NTN1: variants seen among roughly 807,000 people sequenced by gnomAD.
NTN1 encodes netrin-1.
A neutral mutation model predicts 54.2 loss-of-function variants in NTN1; 11 were observed. That is an observed-to-expected ratio of 0.20 (90% CI 0.13 to 0.34). The LOEUF (loss-of-function observed/expected upper bound fraction) is 0.34, where lower values mean the gene tolerates loss of function less well. Among genes scored for constraint, NTN1 ranks in the 10% least tolerant of loss-of-function variants. The pLI, the probability that NTN1 is intolerant of heterozygous loss-of-function variation, is 1.00. For missense variants in NTN1, 740 were observed against 893.1 expected (o/e 0.83, Z 2.18); for synonymous variants, 371 against 382.0 (o/e 0.97, Z 0.33).
At chr17:9,163,380 C>T (rs565972253) in intron 3 of NTN1, among the ~76,000 whole-genome samples, 7 of 151,974 alleles carry the variant, frequency 4.6e-5, no homozygotes, top group East Asian at 1.9e-4. Context: ...GAGTCATGTT[C>T]GCCAGGCTTA....
chr17:9,153,132 G>T (rs1381067859), intron 2 of NTN1, among the ~76,000 whole-genome samples: 1 of 152,144 alleles, frequency 6.6e-6, no homozygotes, highest in Admixed American at 6.5e-5. Context: ...AGCCAGGTGT[G>T]GTGGCACGCA....
chr17:9,015,525 T>C, the NTN1 span, among the ~76,000 whole-genome samples: 4 of 152,134 alleles, frequency 2.6e-5, no homozygotes, highest in Non-Finnish European at 5.9e-5. Context: ...TCTCTTCTTG[T>C]CCTCCCTCCT....
intron 2 of NTN1, among the ~76,000 whole-genome samples, chr17:9,064,183 C>T (rs1356698688): frequency 6.6e-6 from 1 of 152,128 alleles, no homozygotes; most frequent in African/African-American, 2.4e-5. Flanking sequence ...TATGTAAATC[C>T]TTGCATCCAT....
At chr17:9,058,548 G>T (rs947372730) in intron 2 of NTN1, among the ~76,000 whole-genome samples, 1 of 149,684 alleles carries the variant, frequency 6.7e-6, no homozygotes, top group African/African-American at 2.5e-5. Context: ...CCATAAAGTG[G>T]GGATTATTAT....
chr17:9,186,400 C>A (rs1299285646), intron 5 of NTN1, among the ~76,000 whole-genome samples: 2 of 152,198 alleles, frequency 1.3e-5, no homozygotes, highest in Admixed American at 6.5e-5. Flanking sequence ...GCTGCCTTTG[C>A]GTGGAAGCTG....
chr17:9,142,430 G>A (rs1597503876), intron 2 of NTN1, among the ~76,000 whole-genome samples: 1 of 152,234 alleles, frequency 6.6e-6, no homozygotes, highest in Middle Eastern at 3.4e-3. Flanking sequence ...TGCTGGCCAT[G>A]CCTTCACCAG....
intron 2 of NTN1, among the ~76,000 whole-genome samples, chr17:9,159,444 G>T (rs187210597): frequency 1.5e-4 from 23 of 152,310 alleles, no homozygotes; most frequent in African/African-American, 5.3e-4. Flanking sequence ...TATCCTGCTG[G>T]TAGGTGTATA....
intron 2 of NTN1, among the ~76,000 whole-genome samples, chr17:9,067,583 A>G (rs2092019340): frequency 6.6e-6 from 1 of 151,812 alleles, no homozygotes; most frequent in South Asian, 2.1e-4. Context: ...TCCATTCTCC[A>G]CTCCTGTCTC....
At chr17:9,175,279 GCT>G (rs2092397028) in intron 3 of NTN1, 1 of 152,214 alleles carries the variant, frequency 6.6e-6, no homozygotes, top group African/African-American at 2.4e-5. Flanking sequence ...CTTTGCCAGG[GCT>G]CTCGGAAGTC....
intron 2 of NTN1, among the ~76,000 whole-genome samples, chr17:9,099,087 T>A (rs2092141012): frequency 6.6e-6 from 1 of 152,238 alleles, no homozygotes; most frequent in Non-Finnish European, 1.5e-5. Context: ...TCCATGTTGT[T>A]AAATATTCTG....
At chr17:9,217,299 C>T (rs912367390) in intron 5 of NTN1, among the ~76,000 whole-genome samples, 6 of 152,320 alleles carry the variant, frequency 3.9e-5, no homozygotes, top group Admixed American at 3.3e-4. Context: ...CACCATCTGC[C>T]TTTAATTACT....
chr17:9,154,966 C>T (rs553600279), intron 2 of NTN1, among the ~76,000 whole-genome samples: 1 of 152,240 alleles, frequency 6.6e-6, no homozygotes, highest in African/African-American at 2.4e-5. Context: ...GTTCCAGTTC[C>T]ATCCCTCCCC....
At chr17:9,194,011 A>AGATCACT (rs971159721) in intron 5 of NTN1, among the ~76,000 whole-genome samples, 2 of 149,874 alleles carry the variant, frequency 1.3e-5, no homozygotes, top group Non-Finnish European at 3.0e-5. Flanking sequence ...CAAGGTGGGC[A>AGATCACT]GATCACTGGA....
At chr17:9,050,583 C>T (rs1348610675) in intron 2 of NTN1, among the ~76,000 whole-genome samples, 9 of 147,482 alleles carry the variant, frequency 6.1e-5, no homozygotes, top group African/African-American at 1.0e-4. Context: ...GACAGAGAAT[C>T]GCTTGAACCT....
rs533741538 is a variant in NTN1, at chr17:9,034,000, C to T, written c.1018+10609C>T. Among the ~76,000 whole-genome samples, 4 of 152,080 alleles carry T rather than the reference C, an allele frequency of 2.6e-5. No individual in the cohort carries two copies. The South Asian group carries it at 6.2e-4, about 24-fold the overall frequency. ...AGTCAAGATCAGAGAGCACAACATT[C>T]TATCTACTAAAGTGTGAAATACCAA... is the stretch of plus-strand genomic sequence containing the variant. On this transcript the variant is annotated intron_variant, in intron 2 of 6. Transcript: ENST00000173229.
chr17:9,151,434 G>A (rs575783215), intron 2 of NTN1, among the ~76,000 whole-genome samples: 13 of 152,206 alleles, frequency 8.5e-5, no homozygotes, highest in South Asian at 2.1e-4. Flanking sequence ...CCAGCCTCCC[G>A]TCCCACTCTG....
rs772565410 is a variant in NTN1, at chr17:9,212,151, G to T, written c.1412-9017G>T. 6.6e-6 allele frequency among the ~76,000 whole-genome samples: 1 copy of T among 152,176 alleles called. No individual in the cohort carries two copies. The highest frequency in any genetic ancestry group is 2.4e-5 in the African/African-American group (1 of 41,440). ...AGTACAGGCTTAGAGAGATGGGTGG[G>T]GGCTAGAGATCTGCCTGTGGGCCCC... On this transcript the variant is annotated intron_variant, in intron 5 of 6. Coordinates refer to ENST00000173229, the MANE Select transcript of NTN1 (RefSeq NM_004822.3). The surrounding 1 kb of genome is among the most constrained non-coding windows in gnomAD (Gnocchi z 5.5).
chr17:9,221,149 C>CCT lies in NTN1; in HGVS notation c.1412-18_1412-17insTC. 1 of 1,419,676 alleles carries CCT rather than the reference C, an allele frequency of 7.0e-7. No individual in the cohort carries two copies. 87.9% of individuals were successfully genotyped at this position (1,419,676 alleles called of 1,614,324 possible). A position where few individuals can be genotyped will look rare whatever the true frequency, so the allele number is the denominator to read the frequency against. On this transcript the variant is annotated intron_variant, in intron 5 of 6. Coordinates refer to ENST00000173229, the MANE Select transcript of NTN1 (RefSeq NM_004822.3). This position sits in a 1 kb window ranked among gnomAD's most constrained non-coding sequence, Gnocchi z 4.5. ...GCCTAATTAGTTTTTGTCTGTGCTC[C>CCT]CCCCCCACCCCCCTGCAGACTGCGA...
intron 2 of NTN1, among the ~76,000 whole-genome samples, chr17:9,030,178 C>T (rs977240614): frequency 4.6e-5 from 7 of 152,066 alleles, no homozygotes; most frequent in African/African-American, 1.7e-4. Flanking sequence ...TTCTTTTTCT[C>T]CCAGAGCTTA....
Sources: allele counts gnomAD v4.1 joint callset (sites outside exome capture counted in the v4.1 genomes callset), GRCh38; gene constraint gnomAD v4.1.1; non-coding constraint Gnocchi (gnomAD v3.1); transcripts MANE v1.5; gene names NCBI Gene and HGNC (gene_info 2026-07-23, HGNC 2026-07-21).